Variants in NUMA1 observed in about 807,000 individuals in gnomAD.
NUMA1 encodes SP-H antigen.
NUMA1 carries 62 observed loss-of-function variants against 237.1 expected under a neutral mutation model. The observed-to-expected ratio is 0.26, with a 90% CI of 0.21 to 0.32. The LOEUF (loss-of-function observed/expected upper bound fraction) is 0.32. Ranked by LOEUF, NUMA1 falls within the 10% of genes least tolerant of loss-of-function variation. The probability of loss-of-function intolerance (pLI) is 1.00; values close to 1 mark genes in which losing one functional copy is unlikely to be tolerated. For synonymous variants in NUMA1, 1,028 were observed against 1,066.1 expected (o/e 0.96, Z 0.70); for missense variants, 2,533 against 2,666.5 (o/e 0.95, Z 1.10).
At chr11:72,056,325 C>T (rs1408580157) in intron 2 of NUMA1, among the ~76,000 whole-genome samples, 2 of 139,890 alleles carry the variant, frequency 1.4e-5, no homozygotes, top group African/African-American at 2.7e-5. Context: ...TCCCATCTCT[C>T]TTTTTTTTTT....
In NUMA1 at chr11:72,015,704, T is replaced by A. The variant is rs566795059; in HGVS notation, c.1799A>T (p.Asp600Val). 5 of 1,614,104 alleles carry A rather than the reference T, an allele frequency of 3.1e-6. No individual in the cohort carries two copies. In the African/African-American group the frequency reaches 6.7e-5, roughly 22 times the overall value. Residue 600 changes from aspartate to valine, a missense_variant, in exon 15 of 27, where the codon GAT becomes GTT. Around this residue, in one of 3 missense-constraint regions of NUMA1, gnomAD observed 1,414 missense variants for 1,508.1 expected, o/e 0.94. Transcript: ENST00000393695. This position sits in a 1 kb window ranked among gnomAD's most constrained non-coding sequence, Gnocchi z 4.0. ...EEREASLRERDAALKQLEALE... is the reference protein window; with the variant it reads ...EEREASLRERVAALKQLEALE... The stretch of plus-strand genomic sequence containing the variant: ...TGCCTCCAGCTGCTTGAGAGCCGCA[T>A]CCCGCTCCCTTAAGGAGGCCTCTCG...
In NUMA1 at chr11:72,064,613, G is replaced by C. The variant is rs866887754; in HGVS notation, c.-33+5229C>G. Among the ~76,000 whole-genome samples the C allele has an allele frequency of 2.0e-5, 3 of 152,104 alleles. 1 individual carries two copies. The highest frequency in any genetic ancestry group is 4.4e-5 in the Non-Finnish European group (3 of 68,004). ...TTTGGGAGGCCAAGGCAGGTGAATC[G>C]CTTGGGCTCAGGAGTTCAAGACCAG... On this transcript the variant is annotated intron_variant, in intron 2 of 26. Transcript: ENST00000393695.
chr11:72,019,560 T>G lies in NUMA1; in HGVS notation c.518A>C (p.His173Pro). The G allele has an allele frequency of 6.2e-7, 1 of 1,613,990 alleles. No individual in the cohort carries two copies. The highest frequency in any genetic ancestry group is 8.5e-7 in the Non-Finnish European group (1 of 1,179,916). The change falls in exon 9 of 27, where the codon CAC (histidine) becomes CCC (proline). Residue 173 changes from histidine (H) to proline (P), a missense_variant. His to Pro is a moderately conservative substitution (Grantham distance 77). Around this residue, in one of 3 missense-constraint regions of NUMA1, gnomAD observed 1,414 missense variants for 1,508.1 expected, o/e 0.94. Transcript: ENST00000393695. Reference sequence around the variant, plus strand: ...GAAGCGAATCTCCCTCTTGGCCTGGTGGCTAGGTGGGGAGAGCTCTTCAGG... The same window carrying G: ...GAAGCGAATCTCCCTCTTGGCCTGGGGGCTAGGTGGGGAGAGCTCTTCAGG... ...TFPEELSPPS[H>P]QAKREIRFLE...
chr11:72,033,059 A>G (rs1386296344), intron 3 of NUMA1, among the ~76,000 whole-genome samples: 1 of 152,154 alleles, frequency 6.6e-6, no homozygotes, highest in Non-Finnish European at 1.5e-5. Context: ...TCTCACTAAC[A>G]TAACAGATGC....
intron 1 of NUMA1, among the ~76,000 whole-genome samples, chr11:72,076,018 C>G (rs1163072865): frequency 1.3e-5 from 2 of 152,094 alleles, no homozygotes; most frequent in Non-Finnish European, 2.9e-5. Context: ...AAAAATCTGT[C>G]CAGAGAGAAA....
Position 72,007,335 on chromosome 11 carries a change from G to A in NUMA1, c.5317C>T (p.Leu1773Phe), listed in dbSNP as rs200148571. Residue 1773 changes from leucine (L) to phenylalanine (F), a missense_variant, in exon 21 of 27, where the codon CTC (leucine) becomes TTC (phenylalanine). By Grantham distance (22) the Leu-to-Phe change is conservative (BLOSUM62 0). Transcript: ENST00000393695. ...LPPKVESLES[L>F]YFTPIPARSQ... ...CGAGCAGGGATGGGAGTGAAGTAGA[G>A]ACTCTCCAGGGATTCTACCTTGGGG... 4.3e-5 allele frequency: 69 copies of A among 1,613,632 alleles called. No homozygotes were observed. The Admixed American group carries it at 1.0e-3, about 24-fold the overall frequency.
Position 72,015,250 on chromosome 11 carries a change from C to T in NUMA1, c.2253G>A (p.Lys751=). Residue 751 remains lysine (K), a synonymous_variant, in exon 15 of 27, where the codon AAG becomes AAA. Coordinates refer to ENST00000393695, the MANE Select transcript of NUMA1 (RefSeq NM_006185.4). The surrounding 1 kb of genome is among the most constrained non-coding windows in gnomAD (Gnocchi z 4.0). ...AETRSLVEQH[K]RERKELEEER... ...CTTCTTCCAGCTCCTTTCGTTCCCG[C>T]TTATGCTGCTCCACCAGGCTTCGGG... 1.2e-6 allele frequency: 2 copies of T among 1,613,668 alleles called. No homozygotes were observed. Among genetic ancestry groups the T allele is most frequent in the Non-Finnish European group, 1.7e-6 (2 of 1,180,034 alleles).
chr11:72,038,626 G>C (rs914008702), intron 2 of NUMA1, among the ~76,000 whole-genome samples: 1 of 152,040 alleles, frequency 6.6e-6, no homozygotes, highest in African/African-American at 2.4e-5. Flanking sequence ...CTCCCAGCCA[G>C]AGTACCATCC....
intron 20 of NUMA1, 163 bp from the exon 21 acceptor site, chr11:72,007,598 G>A (rs1955830209): frequency 1.2e-6 from 1 of 867,906 alleles, no homozygotes; most frequent in Non-Finnish European, 1.8e-6. Context: ...CTTGACCTGG[G>A]CCTTCCTTTC....
At chr11:72,049,560 A>ATATATATATATATATATATATATATTT (rs59229987) in intron 2 of NUMA1, 1 of 41,004 alleles carries the variant, frequency 2.4e-5, no homozygotes, top group African/African-American at 8.5e-5. Context: ...AAATAATAAT[A>ATATATATATATATATATATATATATTT]ATATATATAT....
rs531696339 is a variant in NUMA1 at position 72,077,544 on chromosome 11, G to A, written c.-103+2914C>T. On this transcript the variant is annotated intron_variant, in intron 1 of 26. Coordinates refer to ENST00000393695, the MANE Select transcript of NUMA1 (RefSeq NM_006185.4). The stretch of plus-strand genomic sequence containing the variant: ...CAAGACTGAAAGTGAGCTGGGCACA[G>A]TGGCTCATGCCTATAATCCCAGCAC... Among the ~76,000 whole-genome samples, 7 of 152,290 alleles carry A rather than the reference G, an allele frequency of 4.6e-5. No individual in the cohort carries two copies. The East Asian group carries it at 1.2e-3, about 25-fold the overall frequency.
At chr11:72,044,047 G>A (rs374258151) in intron 2 of NUMA1, among the ~76,000 whole-genome samples, 148 of 152,194 alleles carry the variant, frequency 9.7e-4, no homozygotes, top group African/African-American at 3.4e-3. Context: ...TAATATGTAC[G>A]AACTCATTAA....
At chr11:72,047,374 G>C (rs1337133863) in intron 2 of NUMA1, among the ~76,000 whole-genome samples, 1 of 152,120 alleles carries the variant, frequency 6.6e-6, no homozygotes, top group Admixed American at 6.5e-5. Flanking sequence ...TGTAGTCCTA[G>C]CTACTCAGGA....
At chr11:72,036,071 C>G (rs1940989282) in intron 2 of NUMA1, 96 bp from the exon 3 acceptor site, 1 of 881,094 alleles carries the variant, frequency 1.1e-6, no homozygotes, top group Admixed American at 2.0e-5. Flanking sequence ...ATTCTCAACA[C>G]TTAAATCACT....
intron 2 of NUMA1, among the ~76,000 whole-genome samples, chr11:72,051,523 T>G (rs1422516887): frequency 6.7e-6 from 1 of 148,640 alleles, no homozygotes; most frequent in Non-Finnish European, 1.5e-5. Context: ...CAGGCTGGAG[T>G]GCAGTGGTGC....
intron 5 of NUMA1, 79 bp from the exon 6 acceptor site, chr11:72,023,226 G>C: frequency 9.7e-7 from 1 of 1,030,494 alleles, no homozygotes; most frequent in Non-Finnish European, 1.5e-6. Flanking sequence ...GAAATCTGGG[G>C]AGCAGAATGG....
At chr11:72,023,640 G>T (rs771197836) in intron 5 of NUMA1, among the ~76,000 whole-genome samples, 11 of 152,164 alleles carry the variant, frequency 7.2e-5, no homozygotes, top group Non-Finnish European at 1.5e-4. Flanking sequence ...CTCTAGGGGT[G>T]GAGATGGCAG....
Position 72,006,251 on chromosome 11 carries a change from C to G in NUMA1, c.5476G>C (p.Glu1826Gln). The G allele has an allele frequency of 4.3e-6, 7 of 1,614,082 alleles. No homozygotes were observed. Among genetic ancestry groups the G allele is most frequent in the Non-Finnish European group, 5.9e-6 (7 of 1,179,954 alleles). The change falls in exon 22 of 27, where the codon GAA becomes CAA. Residue 1826 changes from glutamate (E) to glutamine (Q), a missense_variant. By Grantham distance (29) the Glu-to-Gln change is conservative. Coordinates refer to ENST00000393695, the MANE Select transcript of NUMA1 (RefSeq NM_006185.4). ...NITMTKKLDVEEPDSANSSFY... is the reference protein window; with the variant it reads ...NITMTKKLDVQEPDSANSSFY... ...GATGAGTTGGCGCTGTCTGGCTCTT[C>G]CACATCTAGCTTCTGGAAGACAGAG...
In NUMA1 at chr11:72,006,214, G is replaced by A. The variant is rs144484956; in HGVS notation, c.5513C>T (p.Thr1838Met). 2.5e-5 allele frequency: 40 copies of A among 1,614,160 alleles called. No homozygotes were observed. Among genetic ancestry groups the A allele is most frequent in the East Asian group, 8.9e-5 (4 of 44,864 alleles). Residue 1838 changes from threonine (T) to methionine (M), a missense_variant, in exon 22 of 27, where the codon ACG becomes ATG. By Grantham distance (81) the Thr-to-Met change is moderately conservative. This residue lies in a region of NUMA1 where 795 missense variants were observed against 750.8 expected (regional missense o/e 1.06). Coordinates refer to ENST00000393695, the MANE Select transcript of NUMA1 (RefSeq NM_006185.4). ...PDSANSSFYS[T>M]RSAPASQASL... is the part of the protein sequence containing the mutation. ...AGCCTGGGAAGCAGGAGCAGACCGC[G>A]TGCTGTAGAACGATGAGTTGGCGCT...
Sources: allele counts gnomAD v4.1 joint callset (sites outside exome capture counted in the v4.1 genomes callset), GRCh38; gene constraint gnomAD v4.1.1; regional missense constraint gnomAD v4.1.1; non-coding constraint Gnocchi (gnomAD v3.1); transcripts MANE v1.5; gene names NCBI Gene and HGNC (gene_info 2026-07-23, HGNC 2026-07-21).